The following RAPGEF2 variants were observed in gnomAD, a reference collection of about 807,000 sequenced individuals.
RAPGEF2 encodes the protein PDZ domain containing guanine nucleotide exchange factor (GEF) 1.
A neutral mutation model predicts 186.7 loss-of-function variants in RAPGEF2; 54 were observed. That is an observed-to-expected ratio of 0.29 (90% CI 0.23 to 0.36). The LOEUF is 0.36. Ranked by LOEUF, RAPGEF2 falls within the 10% of genes least tolerant of loss-of-function variation. RAPGEF2 has a pLI of 1.00. For synonymous variants in RAPGEF2, 712 were observed against 705.9 expected (o/e 1.01, Z -0.14); for missense variants, 1,532 against 2,045.0 (o/e 0.75, Z 4.84).
At chr4:159,355,756 A>G in intron 28 of RAPGEF2, 97 bp from the exon 29 acceptor site, 1 of 1,151,494 alleles carries the variant, frequency 8.7e-7, no homozygotes, top group Non-Finnish European at 1.2e-6. Context: ...ATCTGCTGCT[A>G]CACTGTGGAT....
At chr4:159,252,892 T>C (rs1365806559) in intron 7 of RAPGEF2, among the ~76,000 whole-genome samples, 1 of 152,246 alleles carries the variant, frequency 6.6e-6, no homozygotes, top group Non-Finnish European at 1.5e-5. Flanking sequence ...TAAATATGTA[T>C]CCATTGATTA....
intron 1 of RAPGEF2, among the ~76,000 whole-genome samples, chr4:159,130,330 T>C (rs1005882008): frequency 1.3e-5 from 2 of 152,166 alleles, no homozygotes; most frequent in African/African-American, 2.4e-5. Context: ...CTCAGCCTTA[T>C]TTTACCCAGC....
intron 1 of RAPGEF2, among the ~76,000 whole-genome samples, chr4:159,144,340 A>C (rs965983898): frequency 6.6e-6 from 1 of 152,152 alleles, no homozygotes; most frequent in Non-Finnish European, 1.5e-5. Context: ...ATTGTACTGC[A>C]TTTGATCTAG....
intron 3 of RAPGEF2, among the ~76,000 whole-genome samples, chr4:159,197,886 T>A (rs1167024716): frequency 6.6e-6 from 1 of 152,220 alleles, no homozygotes; most frequent in Non-Finnish European, 1.5e-5. Context: ...GTCCCACTCC[T>A]GTCTCTAGGA....
intron 7 of RAPGEF2, among the ~76,000 whole-genome samples, chr4:159,277,914 A>G (rs1759143625): frequency 6.6e-6 from 1 of 152,114 alleles, no homozygotes; most frequent in Non-Finnish European, 1.5e-5. Context: ...TGCTGTGCAG[A>G]AGCTCGTTAG....
chr4:159,181,441 T>C (rs1489777123), intron 1 of RAPGEF2, among the ~76,000 whole-genome samples: 1 of 152,220 alleles, frequency 6.6e-6, no homozygotes, highest in Non-Finnish European at 1.5e-5. Context: ...ATAGTCTTTT[T>C]GCTTAGATAA....
At chr4:159,168,357 A>G (rs1385385276) in intron 1 of RAPGEF2, among the ~76,000 whole-genome samples, 2 of 152,164 alleles carry the variant, frequency 1.3e-5, no homozygotes, top group Non-Finnish European at 2.9e-5. Context: ...ACACATACCT[A>G]TGCGTGCATT....
At chr4:159,167,593 TTTC>T (rs1745462825) in intron 1 of RAPGEF2, among the ~76,000 whole-genome samples, 1 of 152,218 alleles carries the variant, frequency 6.6e-6, no homozygotes, top group South Asian at 2.1e-4. Context: ...TGTGATTTTT[TTTC>T]TTCTTGTGTG....
chr4:159,220,167 T>A (rs1390987766), intron 4 of RAPGEF2, among the ~76,000 whole-genome samples: 1 of 152,170 alleles, frequency 6.6e-6, no homozygotes, highest in Non-Finnish European at 1.5e-5. Flanking sequence ...GAAAATTTCA[T>A]CATATCAAAA....
chr4:159,320,847 AT>A (rs1765155503), intron 9 of RAPGEF2, among the ~76,000 whole-genome samples: 1 of 152,268 alleles, frequency 6.6e-6, no homozygotes, highest in South Asian at 2.1e-4. Flanking sequence ...GGAATGTTTG[AT>A]TATGTACAAG....
At chr4:159,122,134 A>G (rs965929065) in intron 1 of RAPGEF2, among the ~76,000 whole-genome samples, 9 of 151,974 alleles carry the variant, frequency 5.9e-5, no homozygotes, top group Non-Finnish European at 1.0e-4. Flanking sequence ...ATATATTTAG[A>G]TAACTAGTCT....
chr4:159,300,054 G>C (rs1196574243), intron 7 of RAPGEF2, among the ~76,000 whole-genome samples: 2 of 151,666 alleles, frequency 1.3e-5, no homozygotes, highest in Non-Finnish European at 2.9e-5. Context: ...AATGATGGAT[G>C]AATGCTGAAT....
In RAPGEF2 at chr4:159,355,878, G is replaced by GCGGCC; in HGVS notation, c.4678_4679insGGCCC (p.Pro1560ArgfsTer67). 6.6e-7 allele frequency: 1 copy of GCGGCC among 1,515,856 alleles called. No individual in the cohort carries two copies. Among genetic ancestry groups the GCGGCC allele is most frequent in the Non-Finnish European group, 8.9e-7 (1 of 1,117,990 alleles). 93.9% of individuals were successfully genotyped at this position (1,515,856 alleles called of 1,614,324 possible). On this transcript the variant is annotated frameshift_variant, in exon 29 of 30. Coordinates refer to ENST00000691494, the MANE Select transcript of RAPGEF2 (RefSeq NM_001394067.2). LOFTEE classifies it high-confidence loss of function. ...CACGAAAGGAGGGCAGGTATCGAGAGCCCCCGCCCACCCCTCCCGGCTACA... is the reference window on the plus strand; with the variant it reads ...CACGAAAGGAGGGCAGGTATCGAGAGCGGCCCCCCCGCCCACCCCTCCCGGCTACA...
intron 1 of RAPGEF2, among the ~76,000 whole-genome samples, chr4:159,182,750 T>C (rs954492205): frequency 2.0e-5 from 3 of 152,232 alleles, no homozygotes; most frequent in African/African-American, 7.2e-5. Flanking sequence ...CTGTGAATTA[T>C]TGTCATCTGT....
chr4:159,322,375 G>A lies in RAPGEF2; in HGVS notation c.882G>A (p.Leu294=). The stretch of plus-strand genomic sequence containing the variant: ...AACTCTTGGAATTTATGCACCAGTT[G>A]CCTGCTTTTGCCAATATGACAATGT... ...IEQLLEFMHQ[L]PAFANMTMSV... is the part of the protein sequence containing the mutation. The change falls in exon 10 of 30, where the codon TTG becomes TTA. Residue 294 remains leucine, a synonymous_variant. Coordinates refer to ENST00000691494, the MANE Select transcript of RAPGEF2 (RefSeq NM_001394067.2). 1 of 1,613,794 alleles carries A rather than the reference G, an allele frequency of 6.2e-7. No homozygotes were observed.
At chr4:159,254,428 C>T (rs1755878899) in intron 7 of RAPGEF2, among the ~76,000 whole-genome samples, 1 of 152,132 alleles carries the variant, frequency 6.6e-6, no homozygotes, top group African/African-American at 2.4e-5. Context: ...ACTTTGTGAA[C>T]TAGTCTCTTA....
Position 159,112,760 on chromosome 4 carries a change from G to A in RAPGEF2, c.69+8529G>A, listed in dbSNP as rs115783698. Among the ~76,000 whole-genome samples, 1,288 of 152,166 alleles carry A rather than the reference G, an allele frequency of 8.5e-3. 23 individuals carry two copies. The highest frequency in any genetic ancestry group is 0.03 in the African/African-American group (1,224 of 41,486). On this transcript the variant is annotated intron_variant, in intron 1 of 29. Transcript: ENST00000691494. ...TCATCAATGGATGCCAAAATTAGTG[G>A]GTGAAGGTATGATGAAAAATATCAT... is the stretch of plus-strand genomic sequence containing the variant.
intron 1 of RAPGEF2, among the ~76,000 whole-genome samples, chr4:159,123,859 T>C (rs1253145863): frequency 1.3e-5 from 2 of 151,572 alleles, no homozygotes; most frequent in Non-Finnish European, 2.9e-5. Flanking sequence ...ATTGTTGTAT[T>C]GTTTTGTTTT....
intron 18 of RAPGEF2, 106 bp downstream of exon 18, chr4:159,338,574 G>A (rs1293628269): frequency 5.2e-6 from 6 of 1,157,476 alleles, no homozygotes; most frequent in Non-Finnish European, 7.2e-6. Context: ...GATTATATCA[G>A]ATGCTGAGTA....
Sources: allele counts gnomAD v4.1 joint callset (sites outside exome capture counted in the v4.1 genomes callset), GRCh38; gene constraint gnomAD v4.1.1; transcripts MANE v1.5; gene names NCBI Gene and HGNC (gene_info 2026-07-23, HGNC 2026-07-21).